Variants in TMEM165 observed in about 807,000 individuals in gnomAD.
TMEM165 encodes the protein putative divalent cation/proton antiporter TMEM165.
In TMEM165, 19 loss-of-function variants were observed where a neutral mutation model predicts 30.0. That is an observed-to-expected ratio of 0.63 (90% CI 0.44 to 0.93). The LOEUF is 0.93. Among genes scored for constraint, TMEM165 ranks in the 40% least tolerant of loss-of-function variants. The pLI is 0.00. For synonymous variants in TMEM165, 168 were observed against 162.9 expected (o/e 1.03, Z -0.24); for missense variants, 340 against 417.0 (o/e 0.82, Z 1.61).
At chr4:55,448,678 C>T (rs1724151461) in intron 3 of TMEM165, 14 of 756,402 alleles carry the variant, frequency 1.9e-5, no homozygotes, top group Middle Eastern at 2.5e-4. Context: ...GCTGTGGCTA[C>T]AGGTGCTTGC....
exon 4 of TMEM165, chr4:55,453,226 T>C (rs1394361481): frequency 3.0e-6 from 3 of 993,322 alleles, no homozygotes; most frequent in South Asian, 1.3e-5. Flanking sequence ...GTCTCATCTG[T>C]TCATCTAGAC....
At chr4:55,448,591 CGCACGCGCGCGTGTGTGTGTGTGTGTGT>C (rs1241239367) in intron 3 of TMEM165, among the ~76,000 whole-genome samples, 2 of 81,048 alleles carry the variant, frequency 2.5e-5, no homozygotes, top group African/African-American at 8.1e-5. Flanking sequence ...TGTGCGCGCG[CGCACGCGCGCGTGTGTGTGTGTGTGTGT>C]GTGTGTGTGT....
intron 2 of TMEM165, chr4:55,412,069 C>G (rs1215110006): frequency 8.6e-6 from 5 of 583,562 alleles, no homozygotes; most frequent in Non-Finnish European, 1.5e-5. Context: ...TAAGGAATTG[C>G]AAAGATCTAA....
intron 3 of TMEM165, among the ~76,000 whole-genome samples, chr4:55,443,492 A>G (rs1723539973): frequency 6.6e-6 from 1 of 152,076 alleles, no homozygotes; most frequent in Non-Finnish European, 1.5e-5. Context: ...AAAAAAAGAA[A>G]AAAAAAAGCT....
At chr4:55,412,170 A>G (rs1031330635) in intron 2 of TMEM165, 7 of 344,670 alleles carry the variant, frequency 2.0e-5, no homozygotes, top group Non-Finnish European at 3.8e-5. Flanking sequence ...CGAAGTGGAC[A>G]GATCACGAGG....
At chr4:55,418,556 G>A (rs956042950) in intron 4 of TMEM165, among the ~76,000 whole-genome samples, 17 of 151,122 alleles carry the variant, frequency 1.1e-4, no homozygotes, top group Non-Finnish European at 1.5e-5. Context: ...TTTCGTTCAT[G>A]TGTTACACTA....
chr4:55,405,906 G>A (rs1721250742), intron 1 of TMEM165, among the ~76,000 whole-genome samples: 1 of 152,088 alleles, frequency 6.6e-6, no homozygotes, highest in African/African-American at 2.4e-5. Context: ...TTCTCATCTT[G>A]CCCCAACCAT....
intron 4 of TMEM165, 152 bp downstream of exon 4, chr4:55,418,137 G>T: frequency 1.5e-6 from 1 of 668,266 alleles, no homozygotes; most frequent in East Asian, 3.3e-5. Context: ...TCTAAAATTG[G>T]CCTTCTCCCA....
At chr4:55,419,653 T>A (rs1389962369) in intron 4 of TMEM165, among the ~76,000 whole-genome samples, 3 of 152,224 alleles carry the variant, frequency 2.0e-5, no homozygotes, top group Non-Finnish European at 4.4e-5. Flanking sequence ...CTGCCACTTT[T>A]CAACCTCTTT....
intron 3 of TMEM165, chr4:55,438,500 T>C (rs753548953): frequency 1.9e-6 from 3 of 1,613,714 alleles, no homozygotes; most frequent in Non-Finnish European, 2.5e-6. Context: ...ACAGGAGCAG[T>C]CACTAATTTG....
intron 4 of TMEM165, among the ~76,000 whole-genome samples, chr4:55,421,950 G>A (rs1206562356): frequency 6.6e-6 from 1 of 151,212 alleles, no homozygotes; most frequent in African/African-American, 2.4e-5. Flanking sequence ...ATTGTACATC[G>A]CAAATCCAAC....
chr4:55,412,121 A>G (rs1721528554), intron 2 of TMEM165: 2 of 432,386 alleles, frequency 4.6e-6, no homozygotes, highest in Non-Finnish European at 8.4e-6. Context: ...AGGGCTGGGC[A>G]CAGTCACTCA....
intron 4 of TMEM165, among the ~76,000 whole-genome samples, chr4:55,420,246 C>CA (rs1220793204): frequency 6.7e-6 from 1 of 148,860 alleles, no homozygotes; most frequent in Non-Finnish European, 1.5e-5. Context: ...AGTAAGTAAC[C>CA]ATTTTGTTGA....
chr4:55,450,317 A>C, intron 3 of TMEM165: 1 of 1,555,172 alleles, frequency 6.4e-7, no homozygotes, highest in South Asian at 1.1e-5. Context: ...ACAACAAAAA[A>C]ATCAGTTTTT....
At chr4:55,449,846 T>C (rs771027008) in intron 3 of TMEM165, among the ~76,000 whole-genome samples, 107 of 152,364 alleles carry the variant, frequency 7.0e-4, no homozygotes, top group Non-Finnish European at 9.1e-4. Context: ...CCTTTCTTTT[T>C]GAGGGATGAT....
At chr4:55,402,834 C>G (rs1358482741) in intron 1 of TMEM165, among the ~76,000 whole-genome samples, 2 of 109,862 alleles carry the variant, frequency 1.8e-5, no homozygotes, top group African/African-American at 7.1e-5. Context: ...CTCTGTCGCC[C>G]AGGCTGGAGT....
chr4:55,410,567 C>T (rs1247185197), intron 1 of TMEM165, among the ~76,000 whole-genome samples: 1 of 152,148 alleles, frequency 6.6e-6, no homozygotes, highest in Non-Finnish European at 1.5e-5. Context: ...CGCCACCATG[C>T]CACTTTACCT....
chr4:55,420,911 A>T (rs78966988), intron 4 of TMEM165, among the ~76,000 whole-genome samples: 4,119 of 151,842 alleles, frequency 0.027, 198 homozygotes, highest in African/African-American at 0.094. Flanking sequence ...TCTTTTTAAG[A>T]CTTGGGCCAG....
chr4:55,448,613 T>C (rs868726842), intron 3 of TMEM165, among the ~76,000 whole-genome samples: 5,630 of 119,940 alleles, frequency 0.047, 319 homozygotes, highest in African/African-American at 0.17. Flanking sequence ...TGTGTGTGTG[T>C]GTGTGTGTGT....
Sources: allele counts gnomAD v4.1 joint callset (sites outside exome capture counted in the v4.1 genomes callset), GRCh38; gene constraint gnomAD v4.1.1; transcripts MANE v1.5; gene names NCBI Gene and HGNC (gene_info 2026-07-23, HGNC 2026-07-21).